The following OPCML variants were observed in gnomAD, a reference collection of about 807,000 sequenced individuals.
The protein encoded by OPCML is opioid binding protein/cell adhesion molecule like.
Under a neutral mutation model 37.8 loss-of-function variants are expected in OPCML, and 13 were observed. That is an observed-to-expected ratio of 0.34 (90% CI 0.22 to 0.55). The LOEUF is 0.55. OPCML is among the 20% of genes least tolerant of loss of function. The pLI, the probability that OPCML is intolerant of heterozygous loss-of-function variation, is 0.91. For missense variants in OPCML, 341 were observed against 435.6 expected, an observed-to-expected ratio of 0.78 and a Z score of 1.93; for synonymous variants, 176 against 168.8, an observed-to-expected ratio of 1.04 and a Z score of -0.33.
chr11:132,761,278 T>A (rs1946253661), intron 2 of OPCML, among the ~76,000 whole-genome samples: 1 of 151,188 alleles, frequency 6.6e-6, no homozygotes, highest in Non-Finnish European at 1.5e-5. Flanking sequence ...CTGGTGATTA[T>A]GTGTCTTAGG....
At chr11:132,554,388 G>A (rs1028512809) in intron 3 of OPCML, among the ~76,000 whole-genome samples, 1 of 152,352 alleles carries the variant, frequency 6.6e-6, no homozygotes, top group Non-Finnish European at 1.5e-5. Context: ...ATCAAAGTCT[G>A]TCAGGGACAG....
intron 4 of OPCML, among the ~76,000 whole-genome samples, chr11:132,522,956 G>A (rs2096297718): frequency 6.6e-6 from 1 of 152,164 alleles, no homozygotes; most frequent in Non-Finnish European, 1.5e-5. Context: ...TTTTGTTTGA[G>A]ACAGAGTTTC....
chr11:132,898,838 G>GCCCCCCCCC (rs57148567), intron 2 of OPCML, among the ~76,000 whole-genome samples: 10 of 149,322 alleles, frequency 6.7e-5, no homozygotes, highest in African/African-American at 2.5e-4. Context: ...AGTTTAGACT[G>GCCCCCCCCC]CCCCCCCCAC....
chr11:132,951,612 G>C (rs1945863009), intron 1 of OPCML, among the ~76,000 whole-genome samples: 1 of 152,160 alleles, frequency 6.6e-6, no homozygotes, highest in Non-Finnish European at 1.5e-5. Context: ...ATCATGCCTG[G>C]CACTCCCTAA....
chr11:133,034,308 G>GGTGTGTGTGTGTGTGTGTGTGTGTGTGT (rs71038514), intron 1 of OPCML, among the ~76,000 whole-genome samples: 4 of 143,536 alleles, frequency 2.8e-5, no homozygotes, highest in African/African-American at 7.9e-5. Context: ...TGTATGTATA[G>GGTGTGTGTGTGTGTGTGTGTGTGTGTGT]GTGTGTGTGT....
At chr11:133,186,671 G>T (rs1938092142) in intron 1 of OPCML, among the ~76,000 whole-genome samples, 1 of 152,176 alleles carries the variant, frequency 6.6e-6, no homozygotes, top group South Asian at 2.1e-4. Context: ...TGTATATTAT[G>T]CACAGGTGTT....
intron 4 of OPCML, among the ~76,000 whole-genome samples, chr11:132,449,314 A>G (rs2096062962): frequency 6.6e-6 from 1 of 152,110 alleles, no homozygotes; most frequent in Non-Finnish European, 1.5e-5. Flanking sequence ...CTAAGATTCT[A>G]TTCATGTAGA....
Position 132,672,074 on chromosome 11 carries a change from C to T in OPCML, c.147-14755G>A, listed in dbSNP as rs1942500658. Among the ~76,000 whole-genome samples the T allele has an allele frequency of 2.0e-5, 3 of 152,236 alleles. No homozygotes were observed. The South Asian group carries it at 6.2e-4, about 32-fold the overall frequency. Reference sequence around the variant, plus strand: ...ACTCAACAGATCTGCTGTCTGTGCTCTTATAACTTGACCTCACATTGCCCT... The same window carrying T: ...ACTCAACAGATCTGCTGTCTGTGCTTTTATAACTTGACCTCACATTGCCCT... On this transcript the variant is annotated intron_variant, in intron 2 of 7. Coordinates refer to ENST00000524381, the MANE Select transcript of OPCML (RefSeq NM_001012393.5).
intron 1 of OPCML, among the ~76,000 whole-genome samples, chr11:133,154,241 GA>G (rs1950026173): frequency 6.6e-6 from 1 of 151,178 alleles, no homozygotes; most frequent in African/African-American, 2.4e-5. Context: ...AAAAATTGAG[GA>G]AGTTGCCATG....
chr11:133,034,288 A>G (rs908086565), intron 1 of OPCML, among the ~76,000 whole-genome samples: 1 of 132,604 alleles, frequency 7.5e-6, no homozygotes, highest in African/African-American at 3.0e-5. Context: ...TCAAACCAGA[A>G]GAGTAGCTCT....
chr11:133,161,780 C>T (rs190878503), intron 1 of OPCML, among the ~76,000 whole-genome samples: 67 of 152,206 alleles, frequency 4.4e-4, no homozygotes, highest in East Asian at 1.9e-3. Context: ...CACAATTCTA[C>T]GCATATCTTG....
chr11:132,683,772 C>A (rs1460149764), intron 2 of OPCML, among the ~76,000 whole-genome samples: 2 of 152,112 alleles, frequency 1.3e-5, no homozygotes, highest in Non-Finnish European at 2.9e-5. Flanking sequence ...TTCAGCTATC[C>A]TTGTGTACAT....
chr11:133,179,847 A>G (rs1937736909), intron 1 of OPCML, among the ~76,000 whole-genome samples: 1 of 152,126 alleles, frequency 6.6e-6, no homozygotes, highest in African/African-American at 2.4e-5. Context: ...GCAATCAGTA[A>G]CCCTGTGAGG....
At position 133,474,937 on chromosome 11, in the gene OPCML, T is replaced by C. The variant is rs895018993; in HGVS notation, c.61+57327A>G. Among the ~76,000 whole-genome samples the C allele has an allele frequency of 3.3e-5, 5 of 152,218 alleles. No individual in the cohort carries two copies. The East Asian group carries it at 5.8e-4, about 18-fold the overall frequency. ...GAGGTACCAGTGACGTGCACACATA[T>C]GGGAGGGAATGCTCCTGCCAAGGAA... On this transcript the variant is annotated intron_variant, in intron 1 of 7. Transcript: ENST00000524381.
At chr11:132,494,337 T>A (rs2096224719) in intron 4 of OPCML, among the ~76,000 whole-genome samples, 1 of 152,224 alleles carries the variant, frequency 6.6e-6, no homozygotes, top group South Asian at 2.1e-4. Context: ...TTTTCAGTAG[T>A]GTTCATGGTA....
chr11:133,175,148 T>C (rs1950348902), intron 1 of OPCML, among the ~76,000 whole-genome samples: 1 of 152,170 alleles, frequency 6.6e-6, no homozygotes, highest in Non-Finnish European at 1.5e-5. Flanking sequence ...TTTCTTGGTG[T>C]TTTAGGATCA....
chr11:133,007,742 CAG>C (rs1424416478), intron 1 of OPCML: 1 of 985,308 alleles, frequency 1.0e-6, no homozygotes, highest in African/African-American at 1.7e-5. Flanking sequence ...CAGGCCCACA[CAG>C]AGTGGTGAAA....
chr11:132,777,523 C>T (rs1359973338), intron 2 of OPCML, among the ~76,000 whole-genome samples: 4 of 152,186 alleles, frequency 2.6e-5, no homozygotes, highest in Admixed American at 2.6e-4. Flanking sequence ...AATATATGAA[C>T]TTTGCCTCTG....
rs1354468489 is a variant in OPCML at position 132,613,415 on chromosome 11, C to T, written c.379+43672G>A. 2.6e-5 allele frequency among the ~76,000 whole-genome samples: 4 copies of T among 152,308 alleles called. No homozygotes were observed. The East Asian group carries it at 7.7e-4, about 29-fold the overall frequency. ...TATTTTCAGTCTGTTGCAAGAACTG[C>T]ATAAACTCAAAACATGCATACGGAA... On this transcript the variant is annotated intron_variant, in intron 3 of 7. Transcript: ENST00000524381.
Sources: allele counts gnomAD v4.1 joint callset (sites outside exome capture counted in the v4.1 genomes callset), GRCh38; gene constraint gnomAD v4.1.1; transcripts MANE v1.5; gene names NCBI Gene and HGNC (gene_info 2026-07-23, HGNC 2026-07-21).